Variants in CSMD1 observed in about 807,000 individuals in gnomAD.
The protein encoded by CSMD1 is CUB and sushi domain-containing protein 1.
Under a neutral mutation model 417.5 loss-of-function variants are expected in CSMD1, and 213 were observed. The observed-to-expected ratio is 0.51, with a 90% CI of 0.46 to 0.57. The LOEUF (loss-of-function observed/expected upper bound fraction) is 0.57. Ranked by LOEUF, CSMD1 falls within the 20% of genes least tolerant of loss-of-function variation. The pLI, the probability that CSMD1 is intolerant of heterozygous loss-of-function variation, is 0.00. For synonymous variants in CSMD1, 2,862 were observed against 1,736.8 expected (o/e 1.65, Z -16.11); for missense variants, 6,923 against 4,529.7 (o/e 1.53, Z -15.17).
intron 18 of CSMD1, among the ~76,000 whole-genome samples, chr8:3,384,734 T>A (rs1464585676): frequency 8.1e-6 from 1 of 123,600 alleles, no homozygotes; most frequent in African/African-American, 3.1e-5. Context: ...TTTATATATA[T>A]TATATAAATA....
At chr8:3,847,070 G>A (rs1430109579) in intron 5 of CSMD1, among the ~76,000 whole-genome samples, 7 of 152,088 alleles carry the variant, frequency 4.6e-5, no homozygotes, top group Non-Finnish European at 8.8e-5. Flanking sequence ...GCCCTTCCAG[G>A]GTGGGGGAAG....
chr8:4,746,495 C>T (rs556318199), intron 1 of CSMD1, among the ~76,000 whole-genome samples: 104 of 152,334 alleles, frequency 6.8e-4, no homozygotes, highest in South Asian at 2.9e-3. Flanking sequence ...GTGTCTTTAT[C>T]ATCGGTGATG....
At chr8:4,469,330 T>G (rs1161553856) in intron 2 of CSMD1, among the ~76,000 whole-genome samples, 1 of 152,202 alleles carries the variant, frequency 6.6e-6, no homozygotes, top group African/African-American at 2.4e-5. Flanking sequence ...TTCGGCTTTC[T>G]GAAAAGTCTT....
chr8:3,736,557 G>A (rs62480992), intron 6 of CSMD1, among the ~76,000 whole-genome samples: 41,196 of 152,128 alleles, frequency 0.27, 6,394 homozygotes, highest in South Asian at 0.38. Flanking sequence ...CATTTCCAGT[G>A]TGTCTACCAC....
chr8:3,409,781 G>A (rs77711727), intron 12 of CSMD1, among the ~76,000 whole-genome samples, 176 bp from the exon 13 acceptor site: 21 of 152,142 alleles, frequency 1.4e-4, no homozygotes, highest in African/African-American at 4.8e-4. Flanking sequence ...ACCAGAAAAA[G>A]AATGTCATTT....
At position 4,763,220 on chromosome 8, in the gene CSMD1, G is replaced by A. The variant is rs549507292; in HGVS notation, c.86-125662C>T. 3.3e-4 allele frequency among the ~76,000 whole-genome samples: 50 copies of A among 152,228 alleles called. 1 individual carries two copies. In the South Asian group the frequency reaches 8.9e-3, roughly 27 times the overall value. On this transcript the variant is annotated intron_variant, in intron 1 of 69. Coordinates refer to ENST00000635120, the MANE Select transcript of CSMD1 (RefSeq NM_033225.6). The stretch of plus-strand genomic sequence containing the variant: ...GAATTGACTTCAAAACTGTTATTCC[G>A]TGTTTTCTTTCTGAAAACTCTTTTG...
intron 27 of CSMD1, among the ~76,000 whole-genome samples, chr8:3,225,034 T>C (rs190932668): frequency 1.3e-5 from 2 of 152,316 alleles, no homozygotes; most frequent in South Asian, 2.1e-4. Flanking sequence ...TGGTCACACA[T>C]GCACTAAAAA....
At chr8:4,264,477 C>G (rs1221389539) in intron 3 of CSMD1, among the ~76,000 whole-genome samples, 1 of 152,152 alleles carries the variant, frequency 6.6e-6, no homozygotes, top group East Asian at 1.9e-4. Context: ...ACAATTCTCT[C>G]ATCGTTCTAG....
intron 16 of CSMD1, among the ~76,000 whole-genome samples, chr8:3,397,352 G>A (rs1315776578): frequency 6.6e-6 from 1 of 152,142 alleles, no homozygotes; most frequent in Non-Finnish European, 1.5e-5. Flanking sequence ...TAGCCTCATG[G>A]CGTGTAGCAA....
chr8:4,380,048 T>C (rs1196525167), intron 3 of CSMD1, among the ~76,000 whole-genome samples: 1 of 152,206 alleles, frequency 6.6e-6, no homozygotes, highest in Non-Finnish European at 1.5e-5. Context: ...AAATTAAATA[T>C]CCATCAATCC....
intron 3 of CSMD1, among the ~76,000 whole-genome samples, chr8:4,048,456 C>G (rs981830428): frequency 2.0e-5 from 3 of 152,180 alleles, no homozygotes; most frequent in African/African-American, 4.8e-5. Context: ...CAACAAGATT[C>G]TGCAGTAGCT....
At chr8:4,974,183 A>ATTT (rs34867801) in intron 1 of CSMD1, among the ~76,000 whole-genome samples, 157 of 145,634 alleles carry the variant, frequency 1.1e-3, no homozygotes, top group African/African-American at 3.8e-3. Flanking sequence ...CACCCAGCTA[A>ATTT]TTTTTTTTTT....
chr8:4,103,608 GT>G (rs1393654830), intron 3 of CSMD1, among the ~76,000 whole-genome samples: 12 of 152,160 alleles, frequency 7.9e-5, no homozygotes, highest in African/African-American at 2.4e-4. Flanking sequence ...ATATTTTCAT[GT>G]AAACACTTGT....
At chr8:3,228,165 T>G (rs1192039687) in intron 27 of CSMD1, among the ~76,000 whole-genome samples, 1 of 152,218 alleles carries the variant, frequency 6.6e-6, no homozygotes, top group African/African-American at 2.4e-5. Flanking sequence ...GATGACAACT[T>G]TTTTCTCCTC....
chr8:3,993,663 G>C (rs927055047), intron 5 of CSMD1, among the ~76,000 whole-genome samples: 19 of 152,162 alleles, frequency 1.2e-4, no homozygotes, highest in African/African-American at 3.9e-4. Flanking sequence ...ATGAAAAATA[G>C]AGCTTACACC....
rs533125980 is a variant in CSMD1 at position 3,668,895 on chromosome 8, G to C, written c.1009+39519C>G. On this transcript the variant is annotated intron_variant, in intron 7 of 69. Transcript: ENST00000635120. ...TATCAGCCTTAATGCGGGTGGCAAA[G>C]CAACGCCTACATCCCCTCAGCCATA... is the stretch of plus-strand genomic sequence containing the variant. Among the ~76,000 whole-genome samples the C allele has an allele frequency of 9.2e-5, 14 of 152,276 alleles. No individual in the cohort carries two copies. In the East Asian group the frequency reaches 2.1e-3, roughly 23 times the overall value.
intron 2 of CSMD1, among the ~76,000 whole-genome samples, chr8:4,575,850 G>T (rs1266753568): frequency 6.6e-6 from 1 of 152,046 alleles, no homozygotes; most frequent in South Asian, 2.1e-4. Context: ...CATCTCAGTC[G>T]CCTTCTAAAG....
intron 1 of CSMD1, among the ~76,000 whole-genome samples, chr8:4,738,077 C>T (rs1261407730): frequency 6.6e-6 from 1 of 152,134 alleles, no homozygotes; most frequent in Non-Finnish European, 1.5e-5. Context: ...AGATTACATG[C>T]CAACACCAGG....
intron 2 of CSMD1, among the ~76,000 whole-genome samples, chr8:4,449,643 A>G (rs911139104): frequency 6.6e-6 from 1 of 152,204 alleles, no homozygotes; most frequent in African/African-American, 2.4e-5. Context: ...AGCAATCCAC[A>G]TAGATCATGA....
Sources: gnomAD v4.1 joint callset for allele counts (sites outside exome capture counted in the v4.1 genomes callset) on GRCh38, gnomAD v4.1.1 for gene constraint, MANE v1.5 for transcripts, NCBI Gene and HGNC (gene_info 2026-07-23, HGNC 2026-07-21) for gene names.